The following CNKSR1 variants were observed in gnomAD, a reference collection of about 807,000 sequenced individuals.
CNKSR1 encodes connector enhancer of kinase suppressor of Ras 1, also known as CNK homolog protein 1.
CNKSR1 carries 88 observed loss-of-function variants against 95.6 expected under a neutral mutation model. The observed-to-expected ratio is 0.92, with a 90% CI of 0.78 to 1.10. The LOEUF (loss-of-function observed/expected upper bound fraction) is 1.10, where lower values mean the gene tolerates loss of function less well. Ranked by LOEUF, CNKSR1 falls within the 50% of genes least tolerant of loss-of-function variation. CNKSR1 has a pLI of 0.00. For synonymous variants in CNKSR1, 355 were observed against 369.7 expected, an observed-to-expected ratio of 0.96 and a Z score of 0.46; for missense variants, 836 against 912.0, an observed-to-expected ratio of 0.92 and a Z score of 1.07.
At chr1:26,182,243 G>C in intron 4 of CNKSR1, 118 bp from the exon 5 acceptor site, 1 of 1,047,492 alleles carries the variant, frequency 9.5e-7, no homozygotes, top group South Asian at 1.4e-5. Flanking sequence ...CTGGGCAGGG[G>C]GCCAGTGTAG....
rs746248002 is a variant in CNKSR1 at position 26,183,917 on chromosome 1, A to AC, written c.855+95dup. The AC allele has an allele frequency of 6.5e-4, 269 of 412,388 alleles. 3 individuals carry two copies. Among genetic ancestry groups the AC allele is most frequent in the Middle Eastern group, 1.3e-3 (2 of 1,530 alleles). The allele number at this position is 412,388 out of a possible 1,614,324, so 25.5% of individuals were successfully genotyped here. Reference sequence around the variant, plus strand: ...CCACCACCCCCACACCTGCCTTCAGACCCCCCCCAACAGGCACCTTCCCCT... The same window carrying AC: ...CCACCACCCCCACACCTGCCTTCAGACCCCCCCCCAACAGGCACCTTCCCCT... On this transcript the variant is annotated intron_variant, in intron 9 of 20. Coordinates refer to ENST00000361530, the MANE Select transcript of CNKSR1 (RefSeq NM_006314.3).
rs1269602855 is a variant in CNKSR1, at chr1:26,187,608, A to G, written c.1454+126A>G. On this transcript the variant is annotated intron_variant, in intron 16 of 20. Transcript: ENST00000361530. Reference sequence around the variant, plus strand: ...CTGAGAGTGGTTGGTCAAGATACTCACTTCTCTTTCTCTTTTTTTTTTTTT... The same window carrying G: ...CTGAGAGTGGTTGGTCAAGATACTCGCTTCTCTTTCTCTTTTTTTTTTTTT... The G allele has an allele frequency of 1.4e-5, 11 of 777,766 alleles. No individual in the cohort carries two copies. In the East Asian group the frequency reaches 1.6e-4, roughly 11 times the overall value. 48.2% of individuals were successfully genotyped at this position (777,766 alleles called of 1,614,324 possible). A position where few individuals can be genotyped will look rare whatever the true frequency, so the allele number is the denominator to read the frequency against.
intron 13 of CNKSR1, 24 bp from the exon 14 acceptor site, chr1:26,184,990 C>G (rs1479405057): frequency 6.3e-7 from 1 of 1,579,588 alleles, no homozygotes; most frequent in Non-Finnish European, 8.5e-7. Context: ...CCCTCACTGC[C>G]CAGCTTGTGC....
In CNKSR1 at chr1:26,183,751, T is replaced by C; in HGVS notation, c.776T>C (p.Met259Thr). ...QVVVGWPRKN[M>T]VRELLREPAG... ...CAGGTGGGATGGCCCCGTAAGAACA[T>C]GGTGAGGGAACTGCTGCGGGAGCCA... Residue 259 changes from methionine to threonine, a missense_variant, in exon 9 of 21, where the codon ATG becomes ACG. Transcript: ENST00000361530. 2 of 1,613,252 alleles carry C rather than the reference T, an allele frequency of 1.2e-6. No homozygotes were observed. Among genetic ancestry groups the C allele is most frequent in the Non-Finnish European group, 1.7e-6 (2 of 1,179,466 alleles).
Position 26,177,501 on chromosome 1 carries a change from G to A in CNKSR1, c.-47G>A, listed in dbSNP as rs780194941. The A allele has an allele frequency of 9.9e-6, 16 of 1,611,732 alleles. No homozygotes were observed. The highest frequency in any genetic ancestry group is 1.1e-5 in the South Asian group (1 of 90,574). On this transcript the variant is annotated 5_prime_UTR_variant, in exon 1 of 21. Coordinates refer to ENST00000361530, the MANE Select transcript of CNKSR1 (RefSeq NM_006314.3). ...GGGCTCTGGGAGCGGAAATTCCGGC[G>A]ACAGCAGGGCAAAACAGGAGCTGAT...
chr1:26,184,467 G>A lies in CNKSR1; in HGVS notation c.1067G>A (p.Gly356Glu). ...PPEPPAILPA[G>E]VAGTPGLPES... ...GAACCCCCAGCCATACTCCCAGCAG[G>A]GGTAGCAGGGACTCCAGGGCTCCCT... Residue 356 changes from glycine to glutamate, a missense_variant, in exon 12 of 21, where the codon GGG (glycine) becomes GAG (glutamate). Transcript: ENST00000361530. The A allele has an allele frequency of 6.2e-7, 1 of 1,613,370 alleles. No individual in the cohort carries two copies. The highest frequency in any genetic ancestry group is 8.5e-7 in the Non-Finnish European group (1 of 1,179,752).
At position 26,184,073 on chromosome 1, in the gene CNKSR1, G is replaced by T; in HGVS notation, c.858G>T (p.Thr286=). 6.2e-7 allele frequency: 1 copy of T among 1,604,802 alleles called. No homozygotes were observed. Among genetic ancestry groups the T allele is most frequent in the Middle Eastern group, 1.7e-4 (1 of 6,042 alleles). Residue 286 remains threonine, a splice_region_variant and synonymous_variant, in exon 10 of 21, where the codon ACG becomes ACT. Coordinates refer to ENST00000361530, the MANE Select transcript of CNKSR1 (RefSeq NM_006314.3). ...CTTTGTTCCTGGTTGTTCCCCAGAC[G>T]CCCCCTCAGGTCCTGGACTCCCCGC... ...KIPIPETPPQ[T]PPQVLDSPHQ...
intron 19 of CNKSR1, 22 bp downstream of exon 19, chr1:26,188,719 C>G: frequency 6.2e-7 from 1 of 1,612,736 alleles, no homozygotes; most frequent in Non-Finnish European, 8.5e-7. Context: ...GAGTTGGGAG[C>G]TGGGCTGGGG....
intron 1 of CNKSR1, among the ~76,000 whole-genome samples, chr1:26,178,981 C>T (rs546927395): frequency 7.2e-5 from 11 of 152,250 alleles, no homozygotes; most frequent in South Asian, 6.2e-4. Flanking sequence ...AGAATTCCTT[C>T]GAAGAGTGAG....
chr1:26,188,299 G>A lies in CNKSR1; in HGVS notation c.1520G>A (p.Arg507Gln), dbSNP rs138124006. ...YQSPGRAPPPREEDCYSETEA... is the reference protein window; with the variant it reads ...YQSPGRAPPPQEEDCYSETEA... ...TCTCCAGGCCGGGCCCCCCCACCCC[G>A]AGAGGAAGGTAGGTGTCTCGCAGGG... Residue 507 changes from arginine to glutamine, a missense_variant, in exon 17 of 21, where the codon CGA becomes CAA. Arg to Gln is a conservative substitution (Grantham distance 43, BLOSUM62 1). Transcript: ENST00000361530. 7.2e-4 allele frequency: 1,155 copies of A among 1,614,060 alleles called. 2 individuals carry two copies. Among genetic ancestry groups the A allele is most frequent in the Non-Finnish European group, 7.4e-4 (874 of 1,180,008 alleles).
In CNKSR1 at chr1:26,188,511, G is replaced by A; in HGVS notation, c.1590+8G>A. 1 of 1,600,354 alleles carries A rather than the reference G, an allele frequency of 6.2e-7. No homozygotes were observed. The highest frequency in any genetic ancestry group is 1.1e-5 in the South Asian group (1 of 89,150). ...GGGTCCCACTCAGCCTCGGTGAGTGGGGGGCTGCCGGGGGTAGGAGGTGGG... is the reference window on the plus strand; with the variant it reads ...GGGTCCCACTCAGCCTCGGTGAGTGAGGGGCTGCCGGGGGTAGGAGGTGGG... On this transcript the variant is annotated splice_region_variant and intron_variant, in intron 18 of 20. Coordinates refer to ENST00000361530, the MANE Select transcript of CNKSR1 (RefSeq NM_006314.3).
intron 14 of CNKSR1, 77 bp from the exon 15 acceptor site, chr1:26,187,091 C>G (rs576458839): frequency 9.0e-7 from 1 of 1,111,992 alleles, no homozygotes; most frequent in Non-Finnish European, 1.4e-6. Context: ...CTCAGGAGCC[C>G]GAGGGGTAAC....
intron 1 of CNKSR1, among the ~76,000 whole-genome samples, chr1:26,178,455 G>GCCCACACAGATGGGAAGCAACACAC (rs1302837714): frequency 2.0e-5 from 3 of 152,198 alleles, no homozygotes; most frequent in Non-Finnish European, 4.4e-5. Flanking sequence ...GGCTCAGCGA[G>GCCCACACAGATGGGAAGCAACACAC]CCCACACAGA....
Position 26,180,642 on chromosome 1 carries a change from T to C in CNKSR1, c.210+32T>C, listed in dbSNP as rs374733326. 3.5e-5 allele frequency: 57 copies of C among 1,613,936 alleles called. No individual in the cohort carries two copies. In the African/African-American group the frequency reaches 7.6e-4, roughly 22 times the overall value. On this transcript the variant is annotated intron_variant, in intron 2 of 20. Transcript: ENST00000361530. ...GAATGCTGGTCACACTGGCTGCAGC[T>C]TCCACCAACCTGGGGGGTGTGATGG...
At chr1:26,183,279 A>G in intron 7 of CNKSR1, 23 bp downstream of exon 7, 1 of 1,614,082 alleles carries the variant, frequency 6.2e-7, no homozygotes, top group African/African-American at 1.3e-5. Context: ...CACCCTTCTC[A>G]GCCGCCCATC....
intron 1 of CNKSR1, 30 bp downstream of exon 1, chr1:26,177,629 G>C: frequency 6.2e-7 from 1 of 1,613,426 alleles, no homozygotes; most frequent in Middle Eastern, 1.6e-4. Context: ...AGTTGGGCTT[G>C]AAGGGGACTA....
Position 26,189,274 on chromosome 1 carries a change from C to T in CNKSR1, c.1873-5C>T. 1 of 1,614,132 alleles carries T rather than the reference C, an allele frequency of 6.2e-7. No individual in the cohort carries two copies. The highest frequency in any genetic ancestry group is 1.3e-5 in the African/African-American group (1 of 75,062). On this transcript the variant is annotated splice_region_variant and splice_polypyrimidine_tract_variant and intron_variant, in intron 20 of 20. Coordinates refer to ENST00000361530, the MANE Select transcript of CNKSR1 (RefSeq NM_006314.3). ...ATGGTCCCTTAGCCCCTCCTCTCCA[C>T]ACAGGCAAAGCTGCAGGAGCTGCAG...
In CNKSR1 at chr1:26,188,429, C is replaced by T. The variant is rs774910203; in HGVS notation, c.1529-13C>T. The T allele has an allele frequency of 6.2e-7, 1 of 1,605,530 alleles. No individual in the cohort carries two copies. Among genetic ancestry groups the T allele is most frequent in the Admixed American group, 1.7e-5 (1 of 58,224 alleles). On this transcript the variant is annotated splice_polypyrimidine_tract_variant and intron_variant, in intron 17 of 20. Transcript: ENST00000361530. ...CTGGCCTCCCAAAAACCCACTGCTG[C>T]TCCTCACCCCAGACTGCTACAGTGA...
rs200315188 is a variant in CNKSR1, at chr1:26,184,229, C to G, written c.942C>G (p.Asp314Glu). 1 of 1,613,462 alleles carries G rather than the reference C, an allele frequency of 6.2e-7. No homozygotes were observed. The highest frequency in any genetic ancestry group is 2.2e-5 in the East Asian group (1 of 44,764). ...CCCTCCCCAGGGCCCCATCTGAAGA[C>G]GTCTTTGCCTTTGACCTGTCTTCAA... is the stretch of plus-strand genomic sequence containing the variant. ...APLSPRAPSE[D>E]VFAFDLSSNP... is the part of the protein sequence containing the mutation. Residue 314 changes from aspartate to glutamate, a missense_variant, in exon 11 of 21, where the codon GAC (aspartate) becomes GAG (glutamate). Transcript: ENST00000361530.
Sources: allele counts gnomAD v4.1 joint callset (sites outside exome capture counted in the v4.1 genomes callset), GRCh38; gene constraint gnomAD v4.1.1; transcripts MANE v1.5; gene names NCBI Gene and HGNC (gene_info 2026-07-23, HGNC 2026-07-21).